GPHN: variants seen among roughly 807,000 people sequenced by gnomAD.
The protein encoded by GPHN is gephyrin.
Under a neutral mutation model 95.5 loss-of-function variants are expected in GPHN, and 17 were observed. The ratio of observed to expected loss-of-function variants is 0.18; its 90% CI spans 0.12 to 0.27. GPHN has a LOEUF of 0.27. Among genes scored for constraint, GPHN ranks in the 10% least tolerant of loss-of-function variants. The pLI is 1.00. For synonymous variants in GPHN, 320 were observed against 322.5 expected (o/e 0.99, Z 0.08); for missense variants, 660 against 978.1 (o/e 0.67, Z 4.34).
the GPHN span, among the ~76,000 whole-genome samples, chr14:67,282,643 A>G: frequency 6.6e-6 from 1 of 152,160 alleles, no homozygotes; most frequent in Non-Finnish European, 1.5e-5. Context: ...GATAAGAAAT[A>G]GTGATATGGG....
the GPHN span, among the ~76,000 whole-genome samples, chr14:67,526,426 G>A: frequency 1.4e-4 from 22 of 152,236 alleles, no homozygotes; most frequent in Non-Finnish European, 2.8e-4. Flanking sequence ...TTTTGGTCTT[G>A]TGCTTTGCAC....
chr14:67,590,309 G>C, the GPHN span: 1 of 606,786 alleles, frequency 1.6e-6, no homozygotes, highest in Non-Finnish European at 2.6e-6. Context: ...CTGGAGTGCA[G>C]TGGCGCAATC....
intron 3 of GPHN, among the ~76,000 whole-genome samples, chr14:66,812,032 G>A (rs1234507462): frequency 6.6e-6 from 1 of 152,176 alleles, no homozygotes; most frequent in Non-Finnish European, 1.5e-5. Flanking sequence ...GGCCTAACTG[G>A]CAGCTAAAAC....
the GPHN span, chr14:67,270,668 A>T: frequency 1.3e-5 from 2 of 151,510 alleles, no homozygotes; most frequent in Non-Finnish European, 2.9e-5. Flanking sequence ...ATGTATATAG[A>T]CTACATGTAT....
At chr14:67,101,435 T>C (rs2077691396) in intron 13 of GPHN, among the ~76,000 whole-genome samples, 1 of 151,998 alleles carries the variant, frequency 6.6e-6, no homozygotes, top group Admixed American at 6.5e-5. Flanking sequence ...GACCAGTAAT[T>C]GGCCACTTAA....
At chr14:67,058,995 G>C in intron 11 of GPHN, 3 of 436,108 alleles carry the variant, frequency 6.9e-6, no homozygotes, top group Non-Finnish European at 3.9e-6. Context: ...CCATGAAACT[G>C]CCTTTTCATT....
Position 67,159,441 on chromosome 14 carries a change from T to G in GPHN, c.1863T>G (p.Ile621Met). The change falls in exon 19 of 23, where the codon ATT (isoleucine) becomes ATG (methionine). Residue 621 changes from isoleucine to methionine, a missense_variant. Physicochemically the swap from Ile to Met is conservative, Grantham distance 10. This residue lies in a region of GPHN where 257 missense variants were observed against 376.2 expected (regional missense o/e 0.68). Coordinates refer to ENST00000478722, the MANE Select transcript of GPHN (RefSeq NM_020806.5). Reference protein sequence around the residue: ...EKDYLKQVLDIDLHAQIHFGR... With the variant: ...EKDYLKQVLDMDLHAQIHFGR... ...ACTATCTCAAGCAGGTGCTGGACAT[T>G]GATCTTCATGCTCAGATCCATTTTG... 6.2e-7 allele frequency: 1 copy of G among 1,607,340 alleles called. No homozygotes were observed. The highest frequency in any genetic ancestry group is 1.1e-5 in the South Asian group (1 of 90,932).
At chr14:66,939,023 C>A (rs961428516) in intron 8 of GPHN, among the ~76,000 whole-genome samples, 1 of 152,146 alleles carries the variant, frequency 6.6e-6, no homozygotes, top group South Asian at 2.1e-4. Flanking sequence ...TTTTATCTAA[C>A]ACCATATACA....
intron 17 of GPHN, among the ~76,000 whole-genome samples, chr14:67,131,930 CCT>C (rs1435235785): frequency 1.3e-5 from 2 of 152,104 alleles, no homozygotes; most frequent in Non-Finnish European, 2.9e-5. Context: ...GACCTTCTAG[CCT>C]TTCAAGGCCT....
the GPHN span, chr14:67,447,796 G>A: frequency 4.6e-5 from 7 of 152,190 alleles, no homozygotes; most frequent in Non-Finnish European, 5.9e-5. Flanking sequence ...ACAGTTAAGT[G>A]AGGCTATGGA....
the GPHN span, among the ~76,000 whole-genome samples, chr14:67,504,189 T>C: frequency 6.6e-6 from 1 of 151,990 alleles, no homozygotes; most frequent in Admixed American, 6.6e-5. Context: ...AATTTTTGTA[T>C]TTTTAGTAGA....
At chr14:67,396,339 G>T in the GPHN span, among the ~76,000 whole-genome samples, 1 of 150,874 alleles carries the variant, frequency 6.6e-6, no homozygotes, top group African/African-American at 2.5e-5. Context: ...GTAGAGACGG[G>T]GTTTCACCAT....
the GPHN span, chr14:67,733,722 T>TCA: frequency 6.6e-7 from 1 of 1,517,242 alleles, no homozygotes; most frequent in South Asian, 1.1e-5. Flanking sequence ...TTCCTGGAAT[T>TCA]TACTGTCTTT....
At chr14:67,134,066 T>C (rs1364641503) in intron 17 of GPHN, among the ~76,000 whole-genome samples, 3 of 152,242 alleles carry the variant, frequency 2.0e-5, no homozygotes, top group Admixed American at 6.5e-5. Flanking sequence ...AAAATAGTCA[T>C]TGTGTTTATG....
chr14:67,539,961 C>T, the GPHN span, among the ~76,000 whole-genome samples: 11 of 152,118 alleles, frequency 7.2e-5, no homozygotes, highest in South Asian at 6.2e-4. Flanking sequence ...AAGTCACATG[C>T]GAGGGGAGAA....
At chr14:67,690,917 C>A in the GPHN span, 10 of 539,502 alleles carry the variant, frequency 1.9e-5, no homozygotes, top group East Asian at 2.5e-4. Context: ...TTAAAAAATG[C>A]GCCAAGGCAA....
the GPHN span, among the ~76,000 whole-genome samples, chr14:67,190,890 G>A: frequency 6.6e-6 from 1 of 152,206 alleles, no homozygotes; most frequent in Admixed American, 6.5e-5. Flanking sequence ...AAAGCTCCAA[G>A]GAGCACAGAG....
chr14:67,327,430 G>A, the GPHN span, among the ~76,000 whole-genome samples: 3 of 151,910 alleles, frequency 2.0e-5, no homozygotes, highest in African/African-American at 4.8e-5. Flanking sequence ...AAGGAGGACG[G>A]ATCACTTTTT....
At chr14:67,642,786 A>ATT in the GPHN span, among the ~76,000 whole-genome samples, 6 of 95,774 alleles carry the variant, frequency 6.3e-5, no homozygotes, top group Non-Finnish European at 1.2e-4. Context: ...GCATGTTACT[A>ATT]CATTTTCTTT....
Sources: allele counts gnomAD v4.1 joint callset (sites outside exome capture counted in the v4.1 genomes callset), GRCh38; gene constraint gnomAD v4.1.1; regional missense constraint gnomAD v4.1.1; transcripts MANE v1.5; gene names NCBI Gene and HGNC (gene_info 2026-07-23, HGNC 2026-07-21).